The following PCDH9 variants were observed in gnomAD, a reference collection of about 807,000 sequenced individuals.
The protein encoded by PCDH9 is protocadherin-9.
A neutral mutation model predicts 70.6 loss-of-function variants in PCDH9; 24 were observed. That is an observed-to-expected ratio of 0.34 (90% CI 0.25 to 0.48). The LOEUF is 0.48. PCDH9 is among the 20% of genes least tolerant of loss of function. The probability of loss-of-function intolerance (pLI) is 0.99; values close to 1 mark genes in which losing one functional copy is unlikely to be tolerated. For missense variants in PCDH9, 1,281 were observed against 1,503.6 expected, an observed-to-expected ratio of 0.85 and a Z score of 2.45; for synonymous variants, 562 against 558.5, an observed-to-expected ratio of 1.01 and a Z score of -0.09.
At chr13:66,883,904 T>C (rs1022096433) in intron 3 of PCDH9, among the ~76,000 whole-genome samples, 1 of 148,652 alleles carries the variant, frequency 6.7e-6, no homozygotes, top group African/African-American at 2.5e-5. Context: ...GTTCATTTTT[T>C]TTTTTTTTTT....
intron 3 of PCDH9, among the ~76,000 whole-genome samples, chr13:66,711,836 AT>A (rs1221378705): frequency 1.3e-5 from 2 of 152,024 alleles, no homozygotes; most frequent in African/African-American, 4.8e-5. Context: ...GTTTTACTTG[AT>A]TTTTTAGCCC....
intron 2 of PCDH9, among the ~76,000 whole-genome samples, chr13:67,107,147 G>A (rs2138257215): frequency 6.6e-6 from 1 of 152,154 alleles, no homozygotes; most frequent in Non-Finnish European, 1.5e-5. Context: ...CTTCCAGGTG[G>A]ACCAGGCAGC....
chr13:67,226,297 T>A lies in PCDH9; in HGVS notation c.2144A>T (p.Tyr715Phe). The change falls in exon 2 of 5, where the codon TAT (tyrosine) becomes TTT (phenylalanine). Residue 715 changes from tyrosine to phenylalanine, a missense_variant. Tyr to Phe is a conservative substitution (Grantham distance 22, BLOSUM62 3). Around this residue, in one of 4 missense-constraint regions of PCDH9, gnomAD observed 798 missense variants for 1,003.1 expected, o/e 0.80. Transcript: ENST00000377865. This position sits in a 1 kb window ranked among gnomAD's most constrained non-coding sequence, Gnocchi z 5.0. Reference sequence around the variant, plus strand: ...TTTATTGTTTCCACTCACTATAGTATACTTTAGTTCAGCGTTCATTCCAGT... The same window carrying A: ...TTTATTGTTTCCACTCACTATAGTAAACTTTAGTTCAGCGTTCATTCCAGT... Reference protein sequence around the residue: ...VDTGMNAELKYTIVSGNNKGL... With the variant: ...VDTGMNAELKFTIVSGNNKGL... 6.2e-7 allele frequency: 1 copy of A among 1,614,186 alleles called. No individual in the cohort carries two copies. The highest frequency in any genetic ancestry group is 8.5e-7 in the Non-Finnish European group (1 of 1,180,016).
intron 4 of PCDH9, among the ~76,000 whole-genome samples, chr13:66,428,650 G>GTA (rs927383263): frequency 9.2e-5 from 14 of 151,748 alleles, no homozygotes; most frequent in African/African-American, 2.9e-4. Context: ...TATAAGGATT[G>GTA]TATATATATG....
At chr13:66,449,511 T>C (rs1342940692) in intron 4 of PCDH9, among the ~76,000 whole-genome samples, 2 of 152,160 alleles carry the variant, frequency 1.3e-5, no homozygotes, top group Non-Finnish European at 2.9e-5. Context: ...CCACCTGACT[T>C]CCATCATTTT....
intron 2 of PCDH9, among the ~76,000 whole-genome samples, chr13:66,907,452 T>C (rs1196973306): frequency 2.6e-5 from 4 of 152,170 alleles, no homozygotes; most frequent in Admixed American, 2.6e-4. Context: ...TTTGCTATTT[T>C]TCATCACCTA....
intron 4 of PCDH9, among the ~76,000 whole-genome samples, chr13:66,598,950 A>G (rs1445530470): frequency 3.3e-5 from 5 of 151,900 alleles, no homozygotes; most frequent in East Asian, 1.9e-4. Context: ...AAAGTAGCAT[A>G]TAATTAGGAG....
intron 4 of PCDH9, among the ~76,000 whole-genome samples, chr13:66,616,234 G>T (rs1022043987): frequency 1.3e-5 from 2 of 152,158 alleles, no homozygotes; most frequent in Non-Finnish European, 2.9e-5. Flanking sequence ...CTGTGCTTGG[G>T]CTCCACTTTA....
At chr13:66,935,009 C>T (rs1172456131) in intron 2 of PCDH9, among the ~76,000 whole-genome samples, 1 of 151,764 alleles carries the variant, frequency 6.6e-6, no homozygotes, top group African/African-American at 2.4e-5. Context: ...CGTGAGCCAC[C>T]GCGCCCGGCC....
At chr13:67,004,024 T>C (rs74865675) in intron 2 of PCDH9, among the ~76,000 whole-genome samples, 5 of 152,092 alleles carry the variant, frequency 3.3e-5, no homozygotes, top group Non-Finnish European at 5.9e-5. Flanking sequence ...ATGAAGTTCT[T>C]TGAGAAACTG....
At chr13:67,080,691 T>C (rs1414568887) in intron 2 of PCDH9, among the ~76,000 whole-genome samples, 4 of 152,318 alleles carry the variant, frequency 2.6e-5, no homozygotes, top group South Asian at 2.1e-4. Context: ...TAGATAAAAT[T>C]AAAGCACATT....
At chr13:66,701,930 G>A (rs2078653136) in intron 3 of PCDH9, among the ~76,000 whole-genome samples, 1 of 152,080 alleles carries the variant, frequency 6.6e-6, no homozygotes, top group Admixed American at 6.6e-5. Flanking sequence ...GAAGAGTGAC[G>A]TCTAACTAAA....
At chr13:67,219,733 G>C (rs2089683569) in intron 2 of PCDH9, 1 of 151,956 alleles carries the variant, frequency 6.6e-6, no homozygotes, top group African/African-American at 2.4e-5. Flanking sequence ...ATGTGAAGTT[G>C]AGTGTCAGAA....
chr13:66,669,886 A>G (rs531817049), intron 3 of PCDH9, among the ~76,000 whole-genome samples: 25 of 152,306 alleles, frequency 1.6e-4, no homozygotes, highest in Middle Eastern at 3.4e-3. Flanking sequence ...AAAAACTAAC[A>G]TATTTAATAA....
intron 3 of PCDH9, among the ~76,000 whole-genome samples, chr13:66,886,582 GT>G (rs973564782): frequency 2.0e-5 from 3 of 152,118 alleles, no homozygotes; most frequent in African/African-American, 7.2e-5. Flanking sequence ...CAGAGAATCT[GT>G]TTTCTTCCTT....
intron 4 of PCDH9, among the ~76,000 whole-genome samples, chr13:66,618,775 G>C (rs1181504022): frequency 1.3e-5 from 2 of 152,124 alleles, no homozygotes; most frequent in Admixed American, 1.3e-4. Flanking sequence ...CCATAGGGAA[G>C]ATTACATATC....
chr13:67,221,468 T>A (rs1357591606), intron 2 of PCDH9: 1 of 152,122 alleles, frequency 6.6e-6, no homozygotes, highest in African/African-American at 2.4e-5. Context: ...AGTGTATACA[T>A]TCCTCAATAT....
chr13:67,131,943 T>A (rs559800337), intron 2 of PCDH9, among the ~76,000 whole-genome samples: 1 of 152,178 alleles, frequency 6.6e-6, no homozygotes, highest in Non-Finnish European at 1.5e-5. Context: ...AAGAACTCAA[T>A]GCCTGCCTAT....
intron 4 of PCDH9, among the ~76,000 whole-genome samples, chr13:66,576,432 G>A (rs906272026): frequency 6.6e-6 from 1 of 151,966 alleles, no homozygotes; most frequent in African/African-American, 2.4e-5. Context: ...GGCCTCTGGA[G>A]GAATCTTGTT....
Sources: gnomAD v4.1 joint callset for allele counts (sites outside exome capture counted in the v4.1 genomes callset) on GRCh38, gnomAD v4.1.1 for gene constraint, gnomAD v4.1.1 regional missense constraint, Gnocchi (gnomAD v3.1) non-coding constraint, MANE v1.5 for transcripts, NCBI Gene and HGNC (gene_info 2026-07-23, HGNC 2026-07-21) for gene names.